The following PCNX3 variants were observed in gnomAD, a reference collection of about 807,000 sequenced individuals.
The protein encoded by PCNX3 is pecanex-like protein 3.
Under a neutral mutation model 207.2 loss-of-function variants are expected in PCNX3, and 58 were observed. The observed-to-expected ratio is 0.28, with a 90% CI of 0.23 to 0.35. The LOEUF (loss-of-function observed/expected upper bound fraction) is 0.35, where lower values mean the gene tolerates loss of function less well. Ranked by LOEUF, PCNX3 falls within the 10% of genes least tolerant of loss-of-function variation. The pLI, the probability that PCNX3 is intolerant of heterozygous loss-of-function variation, is 1.00. For missense variants in PCNX3, 2,410 were observed against 2,774.4 expected (o/e 0.87, Z 2.95); for synonymous variants, 1,337 against 1,183.5 (o/e 1.13, Z -2.66).
intron 22 of PCNX3, 92 bp from the exon 23 acceptor site, chr11:65,628,503 G>T (rs892549242): frequency 7.9e-7 from 1 of 1,259,494 alleles, no homozygotes; most frequent in African/African-American, 1.5e-5. Context: ...AAGCCAGTGC[G>T]ATGACCCAAG....
intron 8 of PCNX3, among the ~76,000 whole-genome samples, 199 bp from the exon 9 acceptor site, chr11:65,620,140 G>A (rs1338961808): frequency 6.6e-6 from 1 of 152,224 alleles, no homozygotes; most frequent in Non-Finnish European, 1.5e-5. Context: ...ACAGTACAGG[G>A]GAGATCTAAA....
chr11:65,624,804 C>T, intron 15 of PCNX3, 121 bp from the exon 16 acceptor site: 1 of 1,084,076 alleles, frequency 9.2e-7, no homozygotes, highest in Non-Finnish European at 1.3e-6. Context: ...CAGCAGAGAA[C>T]AATGGGCTGG....
At position 65,634,359 on chromosome 11, in the gene PCNX3, C is replaced by T. The variant is rs1855738311; in HGVS notation, c.4701+3C>T. 3 of 1,573,478 alleles carry T rather than the reference C, an allele frequency of 1.9e-6. No individual in the cohort carries two copies. The highest frequency in any genetic ancestry group is 2.6e-6 in the Non-Finnish European group (3 of 1,159,478). On this transcript the variant is annotated splice_donor_region_variant and intron_variant, in intron 28 of 34. Coordinates refer to ENST00000355703, the MANE Select transcript of PCNX3 (RefSeq NM_032223.4). Reference sequence around the variant, plus strand: ...ACTGCGCCTCCCGGCGCAGCCAGGTCAGGCTCCACTACCTGAGGCTGCCAC... The same window carrying T: ...ACTGCGCCTCCCGGCGCAGCCAGGTTAGGCTCCACTACCTGAGGCTGCCAC...
In PCNX3 at chr11:65,636,813, T is replaced by A. The variant is rs1205916910; in HGVS notation, c.5940T>A (p.Asp1980Glu). The change falls in exon 35 of 35, where the codon GAT (aspartate) becomes GAA (glutamate). Residue 1980 changes from aspartate to glutamate, a missense_variant. Asp to Glu is a conservative substitution (Grantham distance 45). Transcript: ENST00000355703. ...SLSLSLSLSP[D>E]VSTEASPPRA... ...GCCTCAGCCTCAGCCTCAGCCCCGA[T>A]GTCAGCACTGAGGCCTCACCCCCCA... The A allele has an allele frequency of 1.0e-4, 152 of 1,503,734 alleles. 1 individual carries two copies. The highest frequency in any genetic ancestry group is 1.3e-4 in the Non-Finnish European group (150 of 1,119,214). The allele number at this position is 1,503,734 out of a possible 1,614,324, so 93.1% of individuals were successfully genotyped here.
chr11:65,636,853 A>T lies in PCNX3; in HGVS notation c.5980A>T (p.Ile1994Phe), dbSNP rs766834192. Residue 1994 changes from isoleucine (I) to phenylalanine (F), a missense_variant, in exon 35 of 35, where the codon ATT becomes TTT. Around this residue, in one of 8 missense-constraint regions of PCNX3, gnomAD observed 278 missense variants for 245.1 expected, o/e 1.13. Transcript: ENST00000355703. ...EASPPRASQD[I>F]PCLDSSAPES... ...CTCACCCCCCAGAGCTTCCCAGGACATTCCTTGCTTGGACAGCAGTGCCCC... is the reference window on the plus strand; with the variant it reads ...CTCACCCCCCAGAGCTTCCCAGGACTTTCCTTGCTTGGACAGCAGTGCCCC... 5 of 1,550,066 alleles carry T rather than the reference A, an allele frequency of 3.2e-6. No individual in the cohort carries two copies. The highest frequency in any genetic ancestry group is 4.4e-6 in the Non-Finnish European group (5 of 1,146,924).
At position 65,637,209 on chromosome 11, in the gene PCNX3, C is replaced by T; in HGVS notation, c.*231C>T. 1 of 568,170 alleles carries T rather than the reference C, an allele frequency of 1.8e-6. No individual in the cohort carries two copies. Among genetic ancestry groups the T allele is most frequent in the Non-Finnish European group, 3.1e-6 (1 of 319,968 alleles). 35.2% of individuals were successfully genotyped at this position (568,170 alleles called of 1,614,324 possible). A position where few individuals can be genotyped will look rare whatever the true frequency, so the allele number is the denominator to read the frequency against. On this transcript the variant is annotated 3_prime_UTR_variant, in exon 35 of 35. Coordinates refer to ENST00000355703, the MANE Select transcript of PCNX3 (RefSeq NM_032223.4). ...CTCCCCAGATGGAGGCAGTCAGCCT[C>T]CCAGCCAGGCCCTAAGAGCCAAACC...
At chr11:65,620,649 C>T (rs185814077) in intron 9 of PCNX3, among the ~76,000 whole-genome samples, 182 bp from the exon 10 acceptor site, 12 of 152,292 alleles carry the variant, frequency 7.9e-5, no homozygotes, top group Admixed American at 2.0e-4. Context: ...GGCACAGCCT[C>T]GACACTCGTG....
At chr11:65,622,406 C>T in intron 11 of PCNX3, 40 bp downstream of exon 11, 1 of 1,568,886 alleles carries the variant, frequency 6.4e-7, no homozygotes, top group Non-Finnish European at 8.6e-7. Context: ...TCTTGGAAAG[C>T]CCCTGGACCT....
intron 29 of PCNX3, 121 bp from the exon 30 acceptor site, chr11:65,634,848 CTCTT>C (rs1460938431): frequency 7.3e-7 from 1 of 1,364,358 alleles, no homozygotes; most frequent in Non-Finnish European, 9.9e-7. Context: ...AGAGATTGGC[CTCTT>C]TGTCAAGATG....
chr11:65,623,172 T>C (rs1369371237), intron 11 of PCNX3, among the ~76,000 whole-genome samples: 1 of 152,238 alleles, frequency 6.6e-6, no homozygotes, highest in Non-Finnish European at 1.5e-5. Flanking sequence ...CAAGGCAGCA[T>C]GCACGATGTA....
rs890740856 is a variant in PCNX3, at chr11:65,626,812, A to G, written c.3380-92A>G. 3.3e-6 allele frequency: 5 copies of G among 1,532,818 alleles called. 1 individual carries two copies. In the South Asian group the frequency reaches 4.8e-5, roughly 15 times the overall value. 95.0% of individuals were successfully genotyped at this position (1,532,818 alleles called of 1,614,324 possible). A position where few individuals can be genotyped will look rare whatever the true frequency, so the allele number is the denominator to read the frequency against. ...CTCCCCCCAGGGTCTCCGAGGAGTC[A>G]GGACCGCACAGCCTGCCCTCCTAGG... On this transcript the variant is annotated intron_variant, in intron 20 of 34. Coordinates refer to ENST00000355703, the MANE Select transcript of PCNX3 (RefSeq NM_032223.4).
Position 65,636,288 on chromosome 11 carries a change from C to G in PCNX3, c.5574C>G (p.Pro1858=). The G allele has an allele frequency of 6.2e-7, 1 of 1,609,080 alleles. No homozygotes were observed. The highest frequency in any genetic ancestry group is 8.5e-7 in the Non-Finnish European group (1 of 1,177,668). Residue 1858 remains proline, a synonymous_variant, in exon 33 of 35, where the codon CCC becomes CCG. Coordinates refer to ENST00000355703, the MANE Select transcript of PCNX3 (RefSeq NM_032223.4). ...SLSNNPPVAH[P]TPENTAGNGD... ...GCAATAACCCCCCCGTGGCACACCC[C>G]ACACCTGAGAACACGGCAGGTGAGC...
intron 24 of PCNX3, 32 bp downstream of exon 24, chr11:65,628,980 G>A: frequency 6.2e-7 from 1 of 1,606,872 alleles, no homozygotes; most frequent in Non-Finnish European, 8.5e-7. Flanking sequence ...AGCATGCCCA[G>A]CAGGGCAGGA....
In PCNX3 at chr11:65,636,671, A is replaced by G; in HGVS notation, c.5874A>G (p.Gly1958=). The G allele has an allele frequency of 2.5e-6, 4 of 1,584,038 alleles. No homozygotes were observed. Among genetic ancestry groups the G allele is most frequent in the Non-Finnish European group, 3.4e-6 (4 of 1,167,418 alleles). ...DGEPASGSPK[G]GTPKSQAPLD... The stretch of plus-strand genomic sequence containing the variant: ...AGCCAGCCTCAGGGAGCCCCAAAGG[A>G]GGTACCCCCAAATCTCAGGTAAGGC... Residue 1958 remains glycine, a synonymous_variant, in exon 34 of 35, where the codon GGA becomes GGG. Transcript: ENST00000355703.
chr11:65,623,530 G>T lies in PCNX3; in HGVS notation c.2397G>T (p.Leu799=). The T allele has an allele frequency of 6.2e-7, 1 of 1,613,700 alleles. No homozygotes were observed. Among genetic ancestry groups the T allele is most frequent in the South Asian group, 1.1e-5 (1 of 91,064 alleles). The change falls in exon 12 of 35, where the codon CTG becomes CTT. Residue 799 remains leucine (L), a synonymous_variant. Transcript: ENST00000355703. The stretch of plus-strand genomic sequence containing the variant: ...TGGAGAACATCTTCGGCGTGGGCCT[G>T]AGCAGCCTTGTGGCCTTCCTGGGCT... The part of the protein sequence containing the change: ...GVLENIFGVG[L]SSLVAFLGYL...
intron 12 of PCNX3, 139 bp downstream of exon 12, chr11:65,623,783 C>T: frequency 1.3e-6 from 2 of 1,516,530 alleles, no homozygotes; most frequent in Non-Finnish European, 1.8e-6. Flanking sequence ...AGCTCTTTTA[C>T]AAGCAAGAAA....
At chr11:65,629,260 G>A (rs1855523518) in intron 24 of PCNX3, 97 bp from the exon 25 acceptor site, 6 of 1,309,100 alleles carry the variant, frequency 4.6e-6, no homozygotes, top group South Asian at 3.8e-5. Flanking sequence ...GGGCTGTCCT[G>A]GATGGCGTTG....
At chr11:65,621,013 C>A in intron 10 of PCNX3, 47 bp downstream of exon 10, 1 of 1,488,734 alleles carries the variant, frequency 6.7e-7, no homozygotes, top group Non-Finnish European at 8.9e-7. Context: ...CGTGACGGGG[C>A]GGGCAGATCA....
chr11:65,623,842 C>G lies in PCNX3; in HGVS notation c.2512-87C>G, dbSNP rs1180853363. On this transcript the variant is annotated intron_variant, in intron 12 of 34. Transcript: ENST00000355703. ...GGCCTGACCTGGTCACTCATAACTG[C>G]CTAGTGGTGGAGCTGAACAGGTCTG... 8 of 1,588,852 alleles carry G rather than the reference C, an allele frequency of 5.0e-6. No homozygotes were observed. In the African/African-American group the frequency reaches 8.1e-5, roughly 16 times the overall value.
Sources: gnomAD v4.1 joint callset for allele counts (sites outside exome capture counted in the v4.1 genomes callset) on GRCh38, gnomAD v4.1.1 for gene constraint, gnomAD v4.1.1 regional missense constraint, MANE v1.5 for transcripts, NCBI Gene and HGNC (gene_info 2026-07-23, HGNC 2026-07-21) for gene names.